COL9A1: variants seen among roughly 807,000 people sequenced by gnomAD.
COL9A1 encodes collagen type IX alpha 1 chain.
Under a neutral mutation model 142.6 loss-of-function variants are expected in COL9A1, and 104 were observed. That is an observed-to-expected ratio of 0.73 (90% CI 0.62 to 0.86). COL9A1 has a LOEUF of 0.86. Ranked by LOEUF, COL9A1 falls within the 40% of genes least tolerant of loss-of-function variation. The probability of loss-of-function intolerance (pLI) is 0.00; values close to 1 mark genes in which losing one functional copy is unlikely to be tolerated. For missense variants in COL9A1, 1,210 were observed against 1,176.6 expected (o/e 1.03, Z -0.42); for synonymous variants, 466 against 396.0 (o/e 1.18, Z -2.10).
intron 31 of COL9A1, among the ~76,000 whole-genome samples, 182 bp from the exon 32 acceptor site, chr6:70,240,915 C>T (rs1770216923): frequency 6.6e-6 from 1 of 151,818 alleles, no homozygotes; most frequent in Admixed American, 6.6e-5. Context: ...CAGAAAATAG[C>T]GGAGAGGAAA....
At chr6:70,246,667 C>T (rs1277397065) in intron 28 of COL9A1, among the ~76,000 whole-genome samples, 1 of 152,156 alleles carries the variant, frequency 6.6e-6, no homozygotes, top group African/African-American at 2.4e-5. Context: ...TTGTTAAATG[C>T]CCACCACCAA....
chr6:70,258,393 G>A (rs1771463210), intron 20 of COL9A1, among the ~76,000 whole-genome samples: 1 of 152,176 alleles, frequency 6.6e-6, no homozygotes, highest in South Asian at 2.1e-4. Flanking sequence ...TGGACGGCAT[G>A]TGTAGTAAGA....
intron 28 of COL9A1, among the ~76,000 whole-genome samples, chr6:70,246,523 A>G (rs1033384621): frequency 4.6e-5 from 7 of 151,818 alleles, no homozygotes; most frequent in South Asian, 4.2e-4. Flanking sequence ...CCTCCCCCCA[A>G]CCCCATCTCC....
At chr6:70,252,626 T>C (rs909002193) in intron 26 of COL9A1, among the ~76,000 whole-genome samples, 15 of 152,226 alleles carry the variant, frequency 9.9e-5, no homozygotes, top group African/African-American at 3.4e-4. Context: ...ATAATATATG[T>C]CTTTCCTTTA....
intron 37 of COL9A1, 49 bp from the exon 38 acceptor site, chr6:70,217,130 T>A: frequency 6.3e-7 from 1 of 1,599,856 alleles, no homozygotes; most frequent in Non-Finnish European, 8.6e-7. Flanking sequence ...TCCTCATTGA[T>A]GCAAACTGGC....
chr6:70,251,608 T>A (rs546628), intron 28 of COL9A1, among the ~76,000 whole-genome samples: 73,412 of 152,108 alleles, frequency 0.48, 18,107 homozygotes, highest in African/African-American at 0.54. Context: ...GATTCCATTT[T>A]TATGAAACTT....
intron 6 of COL9A1, among the ~76,000 whole-genome samples, chr6:70,283,522 T>C (rs1204258224): frequency 1.3e-5 from 2 of 152,224 alleles, no homozygotes; most frequent in South Asian, 2.1e-4. Context: ...AGGTGGTTTC[T>C]ACCTGCCAGG....
At chr6:70,263,191 A>G in intron 19 of COL9A1, 53 bp downstream of exon 19, 2 of 1,372,734 alleles carry the variant, frequency 1.5e-6, no homozygotes, top group South Asian at 1.3e-5. Context: ...ACAGTCATGA[A>G]AAAAAAGAAT....
intron 20 of COL9A1, among the ~76,000 whole-genome samples, chr6:70,257,638 T>G (rs1771403643): frequency 6.6e-6 from 1 of 152,106 alleles, no homozygotes; most frequent in Non-Finnish European, 1.5e-5. Flanking sequence ...TCCCAGCTAC[T>G]CAGGAGGCTA....
chr6:70,257,766 T>G (rs1489928943), intron 20 of COL9A1, among the ~76,000 whole-genome samples: 3 of 152,032 alleles, frequency 2.0e-5, no homozygotes, highest in Non-Finnish European at 2.9e-5. Context: ...CACAAAAAAT[T>G]TATTAACGAT....
At chr6:70,286,484 G>A (rs1201189940) in intron 5 of COL9A1, among the ~76,000 whole-genome samples, 1 of 152,236 alleles carries the variant, frequency 6.6e-6, no homozygotes, top group Non-Finnish European at 1.5e-5. Context: ...CACAAGGTTT[G>A]ATTTCTGCAA....
At chr6:70,223,867 C>A (rs181592978) in intron 37 of COL9A1, among the ~76,000 whole-genome samples, 1 of 151,998 alleles carries the variant, frequency 6.6e-6, no homozygotes, top group East Asian at 1.9e-4. Flanking sequence ...GACATAGAAA[C>A]CAGGACAAGG....
At chr6:70,294,057 T>C (rs1262523293) in intron 5 of COL9A1, 110 bp downstream of exon 5, 3 of 1,434,256 alleles carry the variant, frequency 2.1e-6, no homozygotes, top group African/African-American at 1.4e-5. Context: ...TGATTCCAAA[T>C]TCCATCTGGG....
chr6:70,269,736 G>A, intron 15 of COL9A1, 71 bp from the exon 16 acceptor site: 4 of 914,594 alleles, frequency 4.4e-6, no homozygotes, highest in South Asian at 2.8e-5. Context: ...ATACTAGAAA[G>A]CTCATCAGGC....
intron 5 of COL9A1, among the ~76,000 whole-genome samples, chr6:70,284,872 T>C (rs1307712007): frequency 6.6e-6 from 1 of 152,218 alleles, no homozygotes; most frequent in Non-Finnish European, 1.5e-5. Context: ...ACCTGCCAAA[T>C]GGATTCTAGA....
chr6:70,301,906 A>G (rs1774077354), intron 2 of COL9A1, 95 bp downstream of exon 2: 3 of 979,316 alleles, frequency 3.1e-6, no homozygotes, highest in South Asian at 1.4e-5. Context: ...GTGAAGGACT[A>G]TGAATGCCTC....
Position 70,271,857 on chromosome 6 carries a change from T to C in COL9A1, c.1090-149A>G, listed in dbSNP as rs545248975. ...AATAACTCATTTGACCAAACTTTAA[T>C]TACTTAAGATACAGCAGAAATTTCC... On this transcript the variant is annotated intron_variant, in intron 13 of 37. Transcript: ENST00000357250. 3.1e-6 allele frequency: 3 copies of C among 961,684 alleles called. No individual in the cohort carries two copies. In the African/African-American group the frequency reaches 5.0e-5, roughly 16 times the overall value. The allele number at this position is 961,684 out of a possible 1,614,324, so 59.6% of individuals were successfully genotyped here. A position where few individuals can be genotyped will look rare whatever the true frequency, so the allele number is the denominator to read the frequency against.
chr6:70,302,101 GAA>G, intron 1 of COL9A1, 27 bp from the exon 2 acceptor site: 1 of 1,517,082 alleles, frequency 6.6e-7, no homozygotes, highest in South Asian at 1.2e-5. Flanking sequence ...AAAAATGACT[GAA>G]ACAGGAGTCC....
intron 17 of COL9A1, among the ~76,000 whole-genome samples, chr6:70,267,623 A>G (rs1273604109): frequency 1.3e-5 from 2 of 152,146 alleles, no homozygotes; most frequent in Non-Finnish European, 2.9e-5. Context: ...CGCCCGGCCT[A>G]CTGTGTACAG....
Sources: allele counts gnomAD v4.1 joint callset (sites outside exome capture counted in the v4.1 genomes callset), GRCh38; gene constraint gnomAD v4.1.1; transcripts MANE v1.5; gene names NCBI Gene and HGNC (gene_info 2026-07-23, HGNC 2026-07-21).